SNX13: variants seen among roughly 807,000 people sequenced by gnomAD.
SNX13 encodes sorting nexin 13.
A neutral mutation model predicts 133.6 loss-of-function variants in SNX13; 45 were observed. The observed-to-expected ratio is 0.34, with a 90% CI of 0.27 to 0.43. SNX13 has a LOEUF of 0.43. SNX13 is among the 20% of genes least tolerant of loss of function. The pLI is 1.00. For synonymous variants in SNX13, 414 were observed against 373.9 expected (o/e 1.11, Z -1.24); for missense variants, 1,032 against 1,145.1 (o/e 0.90, Z 1.43).
intron 9 of SNX13, among the ~76,000 whole-genome samples, chr7:17,853,715 G>A (rs887788318): frequency 4.6e-5 from 7 of 152,122 alleles, no homozygotes; most frequent in Non-Finnish European, 7.4e-5. Context: ...AGGCTGAGGC[G>A]GGTGGATCAC....
chr7:17,914,807 A>G (rs1251251079), intron 1 of SNX13, among the ~76,000 whole-genome samples: 2 of 152,202 alleles, frequency 1.3e-5, no homozygotes, highest in Non-Finnish European at 2.9e-5. Flanking sequence ...CCATAAAACA[A>G]CTAACAATCA....
rs779871377 is a variant in SNX13 at position 17,891,546 on chromosome 7, T to C, written c.318A>G (p.Gln106=). Residue 106 remains glutamine, a splice_region_variant and synonymous_variant, in exon 4 of 26, where the codon CAA becomes CAG. Coordinates refer to ENST00000428135, the MANE Select transcript of SNX13 (RefSeq NM_015132.5). ...GANIIDEPLQ[Q]VIQFSLRDYV... ...TCAAATACCACACGCTGAAACTCACTTGCTGGAGAGGTTCATCAATTATAT... is the reference window on the plus strand; with the variant it reads ...TCAAATACCACACGCTGAAACTCACCTGCTGGAGAGGTTCATCAATTATAT... 6.2e-7 allele frequency: 1 copy of C among 1,607,836 alleles called. No individual in the cohort carries two copies. The highest frequency in any genetic ancestry group is 8.5e-7 in the Non-Finnish European group (1 of 1,175,028).
At chr7:17,860,104 G>A (rs184782859) in intron 9 of SNX13, among the ~76,000 whole-genome samples, 203 of 152,094 alleles carry the variant, frequency 1.3e-3, no homozygotes, top group African/African-American at 4.5e-3. Context: ...ACATTCCATC[G>A]ATAGTGCACA....
At chr7:17,917,502 A>T (rs1339340416) in intron 1 of SNX13, among the ~76,000 whole-genome samples, 1 of 152,154 alleles carries the variant, frequency 6.6e-6, no homozygotes, top group Non-Finnish European at 1.5e-5. Flanking sequence ...ATAGACCAAT[A>T]ACATTCAAGC....
chr7:17,851,945 A>G (rs981376484), intron 9 of SNX13, among the ~76,000 whole-genome samples: 3 of 152,184 alleles, frequency 2.0e-5, no homozygotes, highest in African/African-American at 7.2e-5. Flanking sequence ...GAATGAGGGT[A>G]GAGTGAAAAA....
chr7:17,844,611 C>A (rs1469156141), intron 12 of SNX13, among the ~76,000 whole-genome samples: 2 of 151,778 alleles, frequency 1.3e-5, no homozygotes, highest in African/African-American at 2.4e-5. Context: ...AACTACAGAC[C>A]AATGTTCCTT....
intron 21 of SNX13, among the ~76,000 whole-genome samples, chr7:17,802,198 A>G (rs1350813435): frequency 6.6e-6 from 1 of 152,020 alleles, no homozygotes; most frequent in Non-Finnish European, 1.5e-5. Context: ...TGGAACTTAC[A>G]CATACCATCT....
chr7:17,832,399 T>C lies in SNX13; in HGVS notation c.1597+1653A>G, dbSNP rs1435132452. 3.0e-6 allele frequency: 3 copies of C among 984,472 alleles called. No homozygotes were observed. The East Asian group carries it at 3.4e-4, about 112-fold the overall frequency. 61.0% of individuals were successfully genotyped at this position (984,472 alleles called of 1,614,324 possible). A position where few individuals can be genotyped will look rare whatever the true frequency, so the allele number is the denominator to read the frequency against. On this transcript the variant is annotated intron_variant, in intron 15 of 25. Transcript: ENST00000428135. ...GAATATATTGCTACTATCACCAGTTTAAATTACACATTACTTAGAAGCCCA... is the reference window on the plus strand; with the variant it reads ...GAATATATTGCTACTATCACCAGTTCAAATTACACATTACTTAGAAGCCCA...
At chr7:17,809,106 A>G (rs1011554209) in intron 20 of SNX13, among the ~76,000 whole-genome samples, 12 of 152,096 alleles carry the variant, frequency 7.9e-5, no homozygotes, top group African/African-American at 2.7e-4. Context: ...ACACATAACA[A>G]TATTAACCTT....
chr7:17,803,869 G>C (rs372913837), intron 20 of SNX13, among the ~76,000 whole-genome samples: 4 of 134,636 alleles, frequency 3.0e-5, no homozygotes, highest in African/African-American at 1.1e-4. Context: ...AACACAGTGA[G>C]ACCCCATCTC....
chr7:17,845,763 T>C, intron 11 of SNX13, 69 bp from the exon 12 acceptor site: 2 of 1,100,690 alleles, frequency 1.8e-6, no homozygotes, highest in South Asian at 1.6e-5. Context: ...TGTACATAAA[T>C]ATAAGGAAAA....
chr7:17,836,681 T>A (rs1789175515), intron 13 of SNX13, among the ~76,000 whole-genome samples: 1 of 152,060 alleles, frequency 6.6e-6, no homozygotes, highest in Non-Finnish European at 1.5e-5. Context: ...CAGTGGCAAA[T>A]AATCTGTGTG....
chr7:17,889,639 G>GA (rs1481044780), intron 5 of SNX13: 3 of 151,780 alleles, frequency 2.0e-5, no homozygotes, highest in Non-Finnish European at 2.9e-5. Context: ...GGATGGAGGG[G>GA]AAAAAAAGCC....
At chr7:17,928,454 G>C (rs192408724) in intron 1 of SNX13, among the ~76,000 whole-genome samples, 1 of 152,234 alleles carries the variant, frequency 6.6e-6, no homozygotes, top group East Asian at 1.9e-4. Context: ...AGAAATAACA[G>C]CTAAGTGATA....
chr7:17,805,225 G>GTC (rs1418308001), intron 20 of SNX13, among the ~76,000 whole-genome samples: 26 of 104,210 alleles, frequency 2.5e-4, no homozygotes, highest in Non-Finnish European at 4.1e-4. Context: ...GTGTGTGTGT[G>GTC]TGTGTGTGTG....
intron 5 of SNX13, among the ~76,000 whole-genome samples, chr7:17,884,916 CG>C (rs1173844239): frequency 6.6e-6 from 1 of 152,080 alleles, no homozygotes; most frequent in African/African-American, 2.4e-5. Context: ...CTGGTGGAAA[CG>C]TAACAAAATA....
intron 21 of SNX13, among the ~76,000 whole-genome samples, chr7:17,802,141 T>C (rs1784712675): frequency 6.6e-6 from 1 of 152,020 alleles, no homozygotes; most frequent in East Asian, 1.9e-4. Flanking sequence ...GTTAGTAGCC[T>C]AGGAGCAATA....
Position 17,890,457 on chromosome 7 carries a change from C to T in SNX13, c.346G>A (p.Val116Ile), listed in dbSNP as rs989651586. The change falls in exon 5 of 26, where the codon GTC becomes ATC. Residue 116 changes from valine to isoleucine, a missense_variant. Transcript: ENST00000428135. Reference protein sequence around the residue: ...QVIQFSLRDYVQYWYYTLSDD... With the variant: ...QVIQFSLRDYIQYWYYTLSDD... ...CTTAGTGTATAATACCAATACTGGA[C>T]ATAATCCCTCAAGGAAAACTGGATA... The T allele has an allele frequency of 2.5e-5, 39 of 1,589,674 alleles. No homozygotes were observed. The highest frequency in any genetic ancestry group is 3.3e-5 in the Non-Finnish European group (38 of 1,167,500).
At chr7:17,822,812 T>C (rs1787447728) in intron 17 of SNX13, among the ~76,000 whole-genome samples, 1 of 152,166 alleles carries the variant, frequency 6.6e-6, no homozygotes, top group South Asian at 2.1e-4. Flanking sequence ...AGAAATAATT[T>C]TAATACTAAC....
Sources: allele counts gnomAD v4.1 joint callset (sites outside exome capture counted in the v4.1 genomes callset), GRCh38; gene constraint gnomAD v4.1.1; transcripts MANE v1.5; gene names NCBI Gene and HGNC (gene_info 2026-07-23, HGNC 2026-07-21).